TRIO: variants seen among roughly 807,000 people sequenced by gnomAD.
The protein encoded by TRIO is trio Rho guanine nucleotide exchange factor, also known as triple functional domain protein.
A neutral mutation model predicts 351.9 loss-of-function variants in TRIO; 58 were observed. That is an observed-to-expected ratio of 0.16 (90% CI 0.13 to 0.21). The LOEUF is 0.21. Ranked by LOEUF, TRIO falls within the 10% of genes least tolerant of loss-of-function variation. The pLI is 1.00. For missense variants in TRIO, 3,201 were observed against 4,027.8 expected, an observed-to-expected ratio of 0.79 and a Z score of 5.56; for synonymous variants, 1,758 against 1,595.7, an observed-to-expected ratio of 1.10 and a Z score of -2.42.
At chr5:14,359,994 C>T (rs1269220222) in intron 13 of TRIO, among the ~76,000 whole-genome samples, 5 of 152,128 alleles carry the variant, frequency 3.3e-5, no homozygotes, top group Non-Finnish European at 7.3e-5. Flanking sequence ...TCACCCTCCC[C>T]TTTTCTCTCT....
At chr5:14,311,336 G>A (rs1346214903) in intron 8 of TRIO, among the ~76,000 whole-genome samples, 1 of 152,204 alleles carries the variant, frequency 6.6e-6, no homozygotes, top group Non-Finnish European at 1.5e-5. Context: ...AAACTGATCT[G>A]GTTTTGAATA....
intron 1 of TRIO, among the ~76,000 whole-genome samples, chr5:14,180,360 T>C (rs1789697452): frequency 6.6e-6 from 1 of 152,212 alleles, no homozygotes; most frequent in African/African-American, 2.4e-5. Flanking sequence ...ACTTTACAAC[T>C]TTTTATAAAA....
intron 37 of TRIO, 35 bp from the exon 38 acceptor site, chr5:14,471,283 C>A: frequency 2.5e-6 from 4 of 1,606,804 alleles, no homozygotes; most frequent in Non-Finnish European, 3.4e-6. Flanking sequence ...GGGCTGTGGG[C>A]AGTAAGTGTT....
intron 18 of TRIO, among the ~76,000 whole-genome samples, chr5:14,372,215 G>A (rs1005396009): frequency 2.9e-5 from 4 of 139,086 alleles, no homozygotes; most frequent in African/African-American, 7.8e-5. Flanking sequence ...AAAGGCGGAG[G>A]GGGGGCGATG....
chr5:14,248,505 G>A (rs146735636), intron 1 of TRIO, among the ~76,000 whole-genome samples: 1 of 152,302 alleles, frequency 6.6e-6, no homozygotes, highest in Non-Finnish European at 1.5e-5. Context: ...TACACCCGGG[G>A]CCCCAGGCAG....
At chr5:14,500,642 A>T (rs1305659183) in intron 53 of TRIO, among the ~76,000 whole-genome samples, 1 of 152,202 alleles carries the variant, frequency 6.6e-6, no homozygotes, top group Admixed American at 6.5e-5. Flanking sequence ...CTGTAATCCC[A>T]GCACTTTGGG....
At chr5:14,210,111 CA>C (rs1434562038) in intron 1 of TRIO, among the ~76,000 whole-genome samples, 2 of 152,168 alleles carry the variant, frequency 1.3e-5, no homozygotes, top group Non-Finnish European at 2.9e-5. Context: ...CAGGTGGGGT[CA>C]GGGGGAGTCA....
intron 11 of TRIO, among the ~76,000 whole-genome samples, chr5:14,337,989 A>G (rs1741581327): frequency 6.6e-6 from 1 of 152,202 alleles, no homozygotes; most frequent in Non-Finnish European, 1.5e-5. Flanking sequence ...TCAGAATGCC[A>G]TCACTGAAAT....
intron 1 of TRIO, among the ~76,000 whole-genome samples, chr5:14,145,504 CTT>C (rs35067974): frequency 2.1e-5 from 3 of 144,642 alleles, no homozygotes; most frequent in African/African-American, 5.1e-5. Context: ...CCCCCCCCAC[CTT>C]TTTTTTTTTG....
intron 1 of TRIO, among the ~76,000 whole-genome samples, chr5:14,196,729 G>A (rs368582790): frequency 1.3e-5 from 2 of 152,324 alleles, no homozygotes; most frequent in East Asian, 1.9e-4. Context: ...TAATTGAGCA[G>A]ATAGATGTTC....
chr5:14,419,707 T>C, intron 33 of TRIO, 71 bp from the exon 34 acceptor site: 1 of 1,577,216 alleles, frequency 6.3e-7, no homozygotes, highest in Non-Finnish European at 8.6e-7. Context: ...CCTGGAGGAC[T>C]TCCCAGCTGT....
At chr5:14,247,535 C>T (rs572021513) in intron 1 of TRIO, among the ~76,000 whole-genome samples, 1 of 152,226 alleles carries the variant, frequency 6.6e-6, no homozygotes, top group Non-Finnish European at 1.5e-5. Context: ...ATCATTTGAA[C>T]CCTGTTTGGG....
In TRIO at chr5:14,498,605, G is replaced by T; in HGVS notation, c.8297G>T (p.Gly2766Val). ...ACGTGCATCGCTGTCAATGACATGG[G>T]TTCAGCCTCATCGTCGGCCAGCCTG... ...IYTCIAVNDM[G>V]SASSSASLRV... Residue 2766 changes from glycine to valine, a missense_variant, in exon 53 of 57, where the codon GGT becomes GTT. Around this residue, in one of 19 missense-constraint regions of TRIO, gnomAD observed 1,089 missense variants for 954.9 expected, o/e 1.14. Transcript: ENST00000344204. 6.2e-7 allele frequency: 1 copy of T among 1,614,152 alleles called. No homozygotes were observed. The highest frequency in any genetic ancestry group is 8.5e-7 in the Non-Finnish European group (1 of 1,179,954).
At position 14,224,714 on chromosome 5, in the gene TRIO, C is replaced by T. The variant is rs544325776; in HGVS notation, c.158-46111C>T. Among the ~76,000 whole-genome samples the T allele has an allele frequency of 3.9e-5, 6 of 152,014 alleles. No homozygotes were observed. The East Asian group carries it at 7.8e-4, about 20-fold the overall frequency. The stretch of plus-strand genomic sequence containing the variant: ...TAGTTCAGTTGCCAGAAATGATTGT[C>T]GTTAGTTGTTTTTGGAGGACTTAAC... On this transcript the variant is annotated intron_variant, in intron 1 of 56. Transcript: ENST00000344204.
chr5:14,463,794 C>G (rs982429433), intron 36 of TRIO, among the ~76,000 whole-genome samples: 3 of 152,038 alleles, frequency 2.0e-5, no homozygotes, highest in African/African-American at 7.3e-5. Flanking sequence ...TGCACAGTCA[C>G]TTGCCAGATT....
intron 1 of TRIO, among the ~76,000 whole-genome samples, chr5:14,150,702 A>G (rs541853419): frequency 2.0e-5 from 3 of 152,368 alleles, no homozygotes; most frequent in South Asian, 2.1e-4. Flanking sequence ...GCCAAAGCTC[A>G]TATAAGTAAT....
chr5:14,327,745 C>T (rs555366585), intron 9 of TRIO, among the ~76,000 whole-genome samples: 68 of 152,252 alleles, frequency 4.5e-4, no homozygotes, highest in Non-Finnish European at 6.9e-4. Context: ...TACTTATGTA[C>T]CTCTAAATTC....
rs761969823 is a variant in TRIO, at chr5:14,487,784, G to A, written c.7156G>A (p.Gly2386Ser). The change falls in exon 48 of 57, where the codon GGC (glycine) becomes AGC (serine). Residue 2386 changes from glycine (G) to serine (S), a missense_variant. Coordinates refer to ENST00000344204, the MANE Select transcript of TRIO (RefSeq NM_007118.4). ...LPPPGAAPEA[G>S]PSAPSRRPPG... is the part of the protein sequence containing the mutation. ...TCCCCCTGGCGCGGCCCCCGAGGCC[G>A]GCCCCAGCGCGCCCAGCAGGCGGCC... 1.4e-5 allele frequency: 19 copies of A among 1,375,766 alleles called. No individual in the cohort carries two copies. The African/African-American group carries it at 1.4e-4, about 10-fold the overall frequency. 85.2% of individuals were successfully genotyped at this position (1,375,766 alleles called of 1,614,324 possible). A position where few individuals can be genotyped will look rare whatever the true frequency, so the allele number is the denominator to read the frequency against.
intron 8 of TRIO, among the ~76,000 whole-genome samples, chr5:14,315,459 G>T (rs1430863492): frequency 6.6e-6 from 1 of 152,040 alleles, no homozygotes; most frequent in Non-Finnish European, 1.5e-5. Context: ...CACCATGTTG[G>T]CCAGGATGGT....
Sources: gnomAD v4.1 joint callset for allele counts (sites outside exome capture counted in the v4.1 genomes callset) on GRCh38, gnomAD v4.1.1 for gene constraint, gnomAD v4.1.1 regional missense constraint, MANE v1.5 for transcripts, NCBI Gene and HGNC (gene_info 2026-07-23, HGNC 2026-07-21) for gene names.